The following ADCY9 variants were observed in gnomAD, a reference collection of about 807,000 sequenced individuals.
ADCY9 encodes adenylate cyclase type 9.
ADCY9 carries 50 observed loss-of-function variants against 101.5 expected under a neutral mutation model. The ratio of observed to expected loss-of-function variants is 0.49; its 90% CI spans 0.39 to 0.62. The LOEUF (loss-of-function observed/expected upper bound fraction) is 0.62. ADCY9 is among the 20% of genes least tolerant of loss of function. The probability of loss-of-function intolerance (pLI) is 0.00; values close to 1 mark genes in which losing one functional copy is unlikely to be tolerated. For missense variants in ADCY9, 1,662 were observed against 1,800.4 expected (o/e 0.92, Z 1.39); for synonymous variants, 905 against 769.3 (o/e 1.18, Z -2.92).
chr16:3,980,282 A>G (rs1411916486), intron 7 of ADCY9, among the ~76,000 whole-genome samples: 3 of 115,694 alleles, frequency 2.6e-5, no homozygotes, highest in African/African-American at 5.4e-5. Flanking sequence ...TGTTGACACA[A>G]TAAAAGTTTC....
intron 6 of ADCY9, among the ~76,000 whole-genome samples, chr16:3,986,836 TC>T (rs1463331080): frequency 1.3e-5 from 2 of 152,212 alleles, no homozygotes; most frequent in Non-Finnish European, 2.9e-5. Context: ...CCTCAAGTGA[TC>T]CTCCTGCCTC....
intron 8 of ADCY9, among the ~76,000 whole-genome samples, chr16:3,978,606 C>T (rs1055330614): frequency 3.3e-5 from 5 of 152,368 alleles, no homozygotes; most frequent in East Asian, 3.9e-4. Context: ...CTCCCCAGCC[C>T]GGCCACTGCC....
At chr16:4,099,090 A>C (rs1187314602) in intron 2 of ADCY9, among the ~76,000 whole-genome samples, 1 of 151,462 alleles carries the variant, frequency 6.6e-6, no homozygotes, top group African/African-American at 2.4e-5. Context: ...GCGCCACGAC[A>C]CCCGGCTAAT....
At position 3,966,231 on chromosome 16, in the gene ADCY9, C is replaced by T; in HGVS notation, c.3606G>A (p.Val1202=). Residue 1202 remains valine, a synonymous_variant, in exon 11 of 11, where the codon GTG becomes GTA. Transcript: ENST00000294016. The stretch of plus-strand genomic sequence containing the variant: ...CTTCGCTCACCTGGATGCGGCACTC[C>T]ACGCCGGTGGTGTCCATCCTGCTGG... ...NIASRMDTTG[V]ECRIQVSEES... is the part of the protein sequence containing the mutation. 1 of 1,614,238 alleles carries T rather than the reference C, an allele frequency of 6.2e-7. No individual in the cohort carries two copies. Among genetic ancestry groups the T allele is most frequent in the Non-Finnish European group, 8.5e-7 (1 of 1,180,054 alleles).
Position 3,992,015 on chromosome 16 carries a change from G to A in ADCY9, c.2207+131C>T. The stretch of plus-strand genomic sequence containing the variant: ...GAACCTGGGAGATAGAGGCTGCAGT[G>A]AGCCAAGATCGCGCCACTGCACTGC... On this transcript the variant is annotated intron_variant, in intron 5 of 10. Coordinates refer to ENST00000294016, the MANE Select transcript of ADCY9 (RefSeq NM_001116.4). This position sits in a 1 kb window ranked among gnomAD's most constrained non-coding sequence, Gnocchi z 4.2. The A allele has an allele frequency of 2.4e-6, 2 of 845,132 alleles. No individual in the cohort carries two copies. Among genetic ancestry groups the A allele is most frequent in the Non-Finnish European group, 3.6e-6 (2 of 553,332 alleles). The allele number at this position is 845,132 out of a possible 1,614,324, so 52.4% of individuals were successfully genotyped here.
intron 10 of ADCY9, among the ~76,000 whole-genome samples, chr16:3,969,350 G>T (rs1194317644): frequency 2.0e-5 from 3 of 150,410 alleles, no homozygotes; most frequent in South Asian, 4.2e-4. Context: ...TGGGCTCAAC[G>T]ATTCTTGCGG....
intron 2 of ADCY9, among the ~76,000 whole-genome samples, chr16:4,026,008 G>C (rs2141747158): frequency 6.6e-6 from 1 of 152,228 alleles, no homozygotes; most frequent in East Asian, 1.9e-4. Context: ...CAAAGGCAAA[G>C]AAATAGCAAA....
At chr16:3,968,729 C>G (rs924734494) in intron 10 of ADCY9, among the ~76,000 whole-genome samples, 2 of 152,178 alleles carry the variant, frequency 1.3e-5, no homozygotes, top group Admixed American at 6.5e-5. Flanking sequence ...GGGAATATTC[C>G]CCTACCCCTA....
intron 6 of ADCY9, among the ~76,000 whole-genome samples, chr16:3,988,716 T>C (rs1484422332): frequency 6.6e-6 from 1 of 151,944 alleles, no homozygotes; most frequent in African/African-American, 2.4e-5. Context: ...GGGGGGCCCC[T>C]TCCAAGGCTG....
rs776685050 is a variant in ADCY9, at chr16:3,966,899, G to C, written c.2938C>G (p.Gln980Glu). ...DLRRPASLIG[Q>E]EVVLVFFLLL... ...AGAAAGAAGACGAGAACCACCTCCT[G>C]GCCGATGAGGCTGGCGGGCCGCCGG... is the stretch of plus-strand genomic sequence containing the variant. The change falls in exon 11 of 11, where the codon CAG becomes GAG. Residue 980 changes from glutamine (Q) to glutamate (E), a missense_variant. By Grantham distance (29) the Gln-to-Glu change is conservative. Around this residue, in one of 5 missense-constraint regions of ADCY9, gnomAD observed 624 missense variants for 639.1 expected, o/e 0.98. Transcript: ENST00000294016. 6 of 1,614,076 alleles carry C rather than the reference G, an allele frequency of 3.7e-6. 1 individual carries two copies. In the South Asian group the frequency reaches 6.6e-5, roughly 18 times the overall value.
At chr16:4,083,049 G>C (rs79960452) in intron 2 of ADCY9, among the ~76,000 whole-genome samples, 2 of 152,340 alleles carry the variant, frequency 1.3e-5, no homozygotes, top group African/African-American at 4.8e-5. Context: ...AGACAGCAGA[G>C]AGCAAAGATG....
chr16:4,024,046 T>G (rs2056496672), intron 2 of ADCY9, among the ~76,000 whole-genome samples: 1 of 151,984 alleles, frequency 6.6e-6, no homozygotes, highest in Non-Finnish European at 1.5e-5. Context: ...CTCTTGAGAC[T>G]GAGTCTTGCT....
intron 2 of ADCY9, among the ~76,000 whole-genome samples, chr16:4,008,402 A>C (rs1165545624): frequency 6.6e-6 from 1 of 152,170 alleles, no homozygotes; most frequent in Non-Finnish European, 1.5e-5. Flanking sequence ...TTTGAAAAAG[A>C]AGCAAACTTT....
chr16:3,995,941 T>C (rs535243124), intron 3 of ADCY9, among the ~76,000 whole-genome samples: 1 of 152,332 alleles, frequency 6.6e-6, no homozygotes, highest in South Asian at 2.1e-4. Flanking sequence ...TAATGGCATC[T>C]AGATAACATT....
intron 5 of ADCY9, among the ~76,000 whole-genome samples, chr16:3,990,465 CAA>C (rs58708699): frequency 0.46 from 66,539 of 144,524 alleles, 16,829 homozygotes; most frequent in Non-Finnish European, 0.58. Context: ...GACTATGTCT[CAA>C]AAAAAAAAAA....
At position 3,963,607 on chromosome 16, in the gene ADCY9, T is replaced by C; in HGVS notation, c.*2168A>G. 2.8e-6 allele frequency: 1 copy of C among 357,680 alleles called. No homozygotes were observed. The allele number at this position is 357,680 out of a possible 1,614,324, so 22.2% of individuals were successfully genotyped here. A position where few individuals can be genotyped will look rare whatever the true frequency, so the allele number is the denominator to read the frequency against. On this transcript the variant is annotated 3_prime_UTR_variant, in exon 11 of 11. Transcript: ENST00000294016. ...TGAGGAATCACAAACACCTTTGTGG[T>C]TGGGGAAGGAAATGGGCTTGATGGG...
rs190107269 is a variant in ADCY9 at position 4,114,887 on chromosome 16, G to C, written c.556C>G (p.Leu186Val). The C allele has an allele frequency of 3.1e-6, 5 of 1,613,800 alleles. No homozygotes were observed. The East Asian group carries it at 1.1e-4, about 36-fold the overall frequency. ...ACCTGGAACTGCGCAGCCAGGGTCAGGGCGAACACCAGCAGGGTGAGAGCC... is the reference window on the plus strand; with the variant it reads ...ACCTGGAACTGCGCAGCCAGGGTCACGGCGAACACCAGCAGGGTGAGAGCC... Reference protein sequence around the residue: ...SLALTLLVFALTLAAQFQVLT... With the variant: ...SLALTLLVFAVTLAAQFQVLT... Residue 186 changes from leucine to valine, a missense_variant, in exon 2 of 11, where the codon CTG (leucine) becomes GTG (valine). By Grantham distance (32) the Leu-to-Val change is conservative. Transcript: ENST00000294016. The surrounding 1 kb of genome is among the most constrained non-coding windows in gnomAD (Gnocchi z 4.3).
chr16:4,031,090 T>A (rs1010366921), intron 2 of ADCY9, among the ~76,000 whole-genome samples: 4 of 152,338 alleles, frequency 2.6e-5, no homozygotes, highest in African/African-American at 9.6e-5. Flanking sequence ...TCATCCCTGA[T>A]TGGATCCTGG....
chr16:4,051,206 C>T (rs972303351), intron 2 of ADCY9, among the ~76,000 whole-genome samples: 4 of 151,114 alleles, frequency 2.6e-5, no homozygotes, highest in Admixed American at 2.0e-4. Context: ...GAGTGAGATT[C>T]CATCTCAAAA....
Sources: allele counts gnomAD v4.1 joint callset (sites outside exome capture counted in the v4.1 genomes callset), GRCh38; gene constraint gnomAD v4.1.1; regional missense constraint gnomAD v4.1.1; non-coding constraint Gnocchi (gnomAD v3.1); transcripts MANE v1.5; gene names NCBI Gene and HGNC (gene_info 2026-07-23, HGNC 2026-07-21).